Variants in KBTBD6 observed in about 807,000 individuals in gnomAD.
The protein encoded by KBTBD6 is kelch repeat and BTB domain containing 6.
In KBTBD6, 6 loss-of-function variants were observed where a neutral mutation model predicts 34.4. The ratio of observed to expected loss-of-function variants is 0.17; its 90% CI spans 0.10 to 0.34. The LOEUF (loss-of-function observed/expected upper bound fraction) is 0.34. Ranked by LOEUF, KBTBD6 falls within the 10% of genes least tolerant of loss-of-function variation. The pLI, the probability that KBTBD6 is intolerant of heterozygous loss-of-function variation, is 1.00. For synonymous variants in KBTBD6, 288 were observed against 327.2 expected (o/e 0.88, Z 1.29); for missense variants, 557 against 856.0 (o/e 0.65, Z 4.36).
chr13:41,131,510 T>A lies in KBTBD6; in HGVS notation c.1002A>T (p.Pro334=). Residue 334 remains proline, a synonymous_variant, in exon 1 of 1, where the codon CCA becomes CCT. Coordinates refer to ENST00000379485, the MANE Select transcript of KBTBD6 (RefSeq NM_152903.5). The surrounding 1 kb of genome is among the most constrained non-coding windows in gnomAD (Gnocchi z 5.8). ...SNSLVSAAEN[P]PQRLGMCAKE... ...TGGCACACATACCCAGTCTCTGGGG[T>A]GGATTTTCTGCTGCAGATACAAGAG... The A allele has an allele frequency of 3.1e-6, 5 of 1,614,002 alleles. No individual in the cohort carries two copies. Among genetic ancestry groups the A allele is most frequent in the Non-Finnish European group, 4.2e-6 (5 of 1,180,016 alleles).
chr13:41,130,794 G>A lies in KBTBD6; in HGVS notation c.1718C>T (p.Ser573Phe). ...GTTCTTTTTCCACTGTGGGGTGCGA[G>A]AGGTGATGAGCAACAATTTTTGGCC... ...KHGQKLLLITSRTPQWKKNRV... is the reference protein window; with the variant it reads ...KHGQKLLLITFRTPQWKKNRV... Residue 573 changes from serine (S) to phenylalanine (F), a missense_variant, in exon 1 of 1, where the codon TCT (serine) becomes TTT (phenylalanine). By Grantham distance (155) the Ser-to-Phe change is radical. This residue lies in a region of KBTBD6 where 309 missense variants were observed against 504.5 expected (regional missense o/e 0.61). Coordinates refer to ENST00000379485, the MANE Select transcript of KBTBD6 (RefSeq NM_152903.5). This position sits in a 1 kb window ranked among gnomAD's most constrained non-coding sequence, Gnocchi z 4.8. 1 of 1,614,196 alleles carries A rather than the reference G, an allele frequency of 6.2e-7. No homozygotes were observed. Among genetic ancestry groups the A allele is most frequent in the Non-Finnish European group, 8.5e-7 (1 of 1,180,044 alleles).
At position 41,130,703 on chromosome 13, in the gene KBTBD6, G is replaced by T; in HGVS notation, c.1809C>A (p.Gly603=). Residue 603 remains glycine, a synonymous_variant, in exon 1 of 1, where the codon GGC becomes GGA. Coordinates refer to ENST00000379485, the MANE Select transcript of KBTBD6 (RefSeq NM_152903.5). This position sits in a 1 kb window ranked among gnomAD's most constrained non-coding sequence, Gnocchi z 4.8. The part of the protein sequence containing the change: ...DQWINIGTTL[G]LLQFDSNFFC... ...AAAAGTTAGAATCAAACTGCAAGAG[G>T]CCTAATGTGGTACCTATATTAATCC... 6.2e-7 allele frequency: 1 copy of T among 1,614,148 alleles called. No homozygotes were observed. The highest frequency in any genetic ancestry group is 8.5e-7 in the Non-Finnish European group (1 of 1,180,022).
rs2030020126 is a variant in KBTBD6, at chr13:41,127,813, G to A, written c.*2674C>T. The A allele has an allele frequency of 6.6e-6, 1 of 152,164 alleles. No individual in the cohort carries two copies. Among genetic ancestry groups the A allele is most frequent in the African/African-American group, 2.4e-5 (1 of 41,436 alleles). 9.4% of individuals were successfully genotyped at this position (152,164 alleles called of 1,614,324 possible). ...ATCTGTTTGAGATAAGCACTGTCAT[G>A]TTTCAACCTTAGAGAACAAAAAGCT... On this transcript the variant is annotated 3_prime_UTR_variant, in exon 1 of 1. Coordinates refer to ENST00000379485, the MANE Select transcript of KBTBD6 (RefSeq NM_152903.5).
Position 41,128,918 on chromosome 13 carries a change from C to G in KBTBD6, c.*1569G>C, listed in dbSNP as rs41286991. ...TGAAGCAATCCTCCCACCTCAGCCCCGAGTTGCTAGGATTACAGGCATGAG... is the reference window on the plus strand; with the variant it reads ...TGAAGCAATCCTCCCACCTCAGCCCGGAGTTGCTAGGATTACAGGCATGAG... On this transcript the variant is annotated 3_prime_UTR_variant, in exon 1 of 1. Transcript: ENST00000379485. 1.2e-5 allele frequency: 2 copies of G among 168,200 alleles called. No homozygotes were observed. Among genetic ancestry groups the G allele is most frequent in the African/African-American group, 4.7e-5 (2 of 42,278 alleles). 10.4% of individuals were successfully genotyped at this position (168,200 alleles called of 1,614,324 possible).
Position 41,129,479 on chromosome 13 carries a change from T to G in KBTBD6, c.*1008A>C, listed in dbSNP as rs1453368273. 6.6e-6 allele frequency: 1 copy of G among 152,174 alleles called. No individual in the cohort carries two copies. The highest frequency in any genetic ancestry group is 1.5e-5 in the Non-Finnish European group (1 of 68,038). The allele number at this position is 152,174 out of a possible 1,614,324, so 9.4% of individuals were successfully genotyped here. A position where few individuals can be genotyped will look rare whatever the true frequency, so the allele number is the denominator to read the frequency against. ...AGAATATAACCTTTTAGATGAAAATTGGTGACTTTGCAAATACACATTCTA... is the reference window on the plus strand; with the variant it reads ...AGAATATAACCTTTTAGATGAAAATGGGTGACTTTGCAAATACACATTCTA... On this transcript the variant is annotated 3_prime_UTR_variant, in exon 1 of 1. Coordinates refer to ENST00000379485, the MANE Select transcript of KBTBD6 (RefSeq NM_152903.5).
rs370743723 is a variant in KBTBD6 at position 41,132,421 on chromosome 13, A to G, written c.91T>C (p.Ser31Pro). 157 of 1,614,116 alleles carry G rather than the reference A, an allele frequency of 9.7e-5. No homozygotes were observed. The highest frequency in any genetic ancestry group is 1.2e-4 in the Non-Finnish European group (147 of 1,180,050). Residue 31 changes from serine (S) to proline (P), a missense_variant, in exon 1 of 1, where the codon TCG becomes CCG. This residue lies in a region of KBTBD6 where 108 missense variants were observed against 209.6 expected (regional missense o/e 0.52). Transcript: ENST00000379485. The stretch of plus-strand genomic sequence containing the variant: ...TCCTCTGGACCCGTGAAAAAGGCCG[A>G]AACTGTGGGTTTGTGAATCTTCTTG... Reference protein sequence around the residue: ...RPKKIHKPTVSAFFTGPEELK... With the variant: ...RPKKIHKPTVPAFFTGPEELK...
rs2030085873 is a variant in KBTBD6 at position 41,131,284 on chromosome 13, G to C, written c.1228C>G (p.Pro410Ala). ...QPRTDLWVYK[P>A]AQNSWQQLAD... ...AGTTGCTGCCAACTATTCTGAGCTG[G>C]TTTATACACCCAGAGGTCTGTCCTG... Residue 410 changes from proline to alanine, a missense_variant, in exon 1 of 1, where the codon CCA becomes GCA. Pro to Ala is a conservative substitution (Grantham distance 27). This residue lies in a region of KBTBD6 where 309 missense variants were observed against 504.5 expected (regional missense o/e 0.61). Transcript: ENST00000379485. This position sits in a 1 kb window ranked among gnomAD's most constrained non-coding sequence, Gnocchi z 5.8. The C allele has an allele frequency of 1.2e-6, 2 of 1,614,170 alleles. No individual in the cohort carries two copies. Among genetic ancestry groups the C allele is most frequent in the Non-Finnish European group, 1.7e-6 (2 of 1,180,024 alleles).
In KBTBD6 at chr13:41,130,825, T is replaced by C. The variant is rs1313245918; in HGVS notation, c.1687A>G (p.Lys563Glu). ...VSETNNYRII[K>E]HGQKLLLITS... is the part of the protein sequence containing the mutation. ...ATGAGCAACAATTTTTGGCCATGCT[T>C]GATAATTCTGTAGTTGTTGGTCTCT... Residue 563 changes from lysine to glutamate, a missense_variant, in exon 1 of 1, where the codon AAG (lysine) becomes GAG (glutamate). Around this residue, in one of 4 missense-constraint regions of KBTBD6, gnomAD observed 309 missense variants for 504.5 expected, o/e 0.61. Transcript: ENST00000379485. This position sits in a 1 kb window ranked among gnomAD's most constrained non-coding sequence, Gnocchi z 4.8. 1 of 1,614,070 alleles carries C rather than the reference T, an allele frequency of 6.2e-7. No individual in the cohort carries two copies. Among genetic ancestry groups the C allele is most frequent in the African/African-American group, 1.3e-5 (1 of 74,924 alleles).
Position 41,130,586 on chromosome 13 carries a change from A to G in KBTBD6, c.1926T>C (p.Thr642=). 6.2e-7 allele frequency: 1 copy of G among 1,614,200 alleles called. No individual in the cohort carries two copies. Among genetic ancestry groups the G allele is most frequent in the Non-Finnish European group, 8.5e-7 (1 of 1,180,018 alleles). ...CACTGAATCCACCTAAGTCCCATTC[A>G]GTGCTAGACTCACTTGGTATTTCTT... is the stretch of plus-strand genomic sequence containing the variant. ...EEEEIPSESS[T]EWDLGGFSEP... is the part of the protein sequence containing the mutation. Residue 642 remains threonine, a synonymous_variant, in exon 1 of 1, where the codon ACT becomes ACC. Transcript: ENST00000379485. The surrounding 1 kb of genome is among the most constrained non-coding windows in gnomAD (Gnocchi z 4.8).
chr13:41,130,532 A>C lies in KBTBD6; in HGVS notation c.1980T>G (p.Ser660Arg). The change falls in exon 1 of 1, where the codon AGT (serine) becomes AGG (arginine). Residue 660 changes from serine to arginine, a missense_variant. Physicochemically the swap from Ser to Arg is moderately radical, Grantham distance 110 (BLOSUM62 -1). This residue lies in a region of KBTBD6 where 309 missense variants were observed against 504.5 expected (regional missense o/e 0.61). Coordinates refer to ENST00000379485, the MANE Select transcript of KBTBD6 (RefSeq NM_152903.5). The surrounding 1 kb of genome is among the most constrained non-coding windows in gnomAD (Gnocchi z 4.8). Reference protein sequence around the residue: ...SEPDSESGSSSSLSDDDFWVR... With the variant: ...SEPDSESGSSRSLSDDDFWVR... ...CCCAAAAATCATCATCAGAAAGAGAACTTGAACTTCCTGACTCAGAGTCTG... is the reference window on the plus strand; with the variant it reads ...CCCAAAAATCATCATCAGAAAGAGACCTTGAACTTCCTGACTCAGAGTCTG... 1 of 1,614,144 alleles carries C rather than the reference A, an allele frequency of 6.2e-7. No homozygotes were observed. The highest frequency in any genetic ancestry group is 2.2e-5 in the East Asian group (1 of 44,884).
rs191601079 is a variant in KBTBD6 at position 41,132,753 on chromosome 13, C to A, written c.-242G>T. The stretch of plus-strand genomic sequence containing the variant: ...CGCGTCTGCTCGCCTTCACAGGACC[C>A]GCTGGCTTGGAGCCGCAGAAGCCGC... On this transcript the variant is annotated 5_prime_UTR_variant, in exon 1 of 1. Coordinates refer to ENST00000379485, the MANE Select transcript of KBTBD6 (RefSeq NM_152903.5). 60 of 561,666 alleles carry A rather than the reference C, an allele frequency of 1.1e-4. No homozygotes were observed. The East Asian group carries it at 1.6e-3, about 15-fold the overall frequency. The allele number at this position is 561,666 out of a possible 1,614,324, so 34.8% of individuals were successfully genotyped here.
rs1184828326 is a variant in KBTBD6 at position 41,127,596 on chromosome 13, AC to A, written c.*2890del. On this transcript the variant is annotated 3_prime_UTR_variant, in exon 1 of 1. Transcript: ENST00000379485. ...CTGGTACCAGTTTTATTTATAATTA[AC>A]CACATACAAATCACTTTTCTACAAA... The A allele has an allele frequency of 2.0e-5, 3 of 152,266 alleles. No homozygotes were observed. Among genetic ancestry groups the A allele is most frequent in the Non-Finnish European group, 1.5e-5 (1 of 68,052 alleles). 9.4% of individuals were successfully genotyped at this position (152,266 alleles called of 1,614,324 possible).
Position 41,128,337 on chromosome 13 carries a change from T to C in KBTBD6, c.*2150A>G, listed in dbSNP as rs2030029761. On this transcript the variant is annotated 3_prime_UTR_variant, in exon 1 of 1. Transcript: ENST00000379485. ...ACCATAAGCATCTGGTCATTCATCA[T>C]GTACATGTATCATGTCAACCATTAT... The C allele has an allele frequency of 2.7e-6, 1 of 367,808 alleles. No individual in the cohort carries two copies. Among genetic ancestry groups the C allele is most frequent in the Non-Finnish European group, 4.9e-6 (1 of 205,552 alleles). The allele number at this position is 367,808 out of a possible 1,614,324, so 22.8% of individuals were successfully genotyped here.
In KBTBD6 at chr13:41,131,883, C is replaced by G. The variant is rs2030105623; in HGVS notation, c.629G>C (p.Arg210Pro). The G allele has an allele frequency of 6.2e-7, 1 of 1,614,108 alleles. No homozygotes were observed. The highest frequency in any genetic ancestry group is 8.5e-7 in the Non-Finnish European group (1 of 1,180,048). Residue 210 changes from arginine (R) to proline (P), a missense_variant, in exon 1 of 1, where the codon CGG (arginine) becomes CCG (proline). Around this residue, in one of 4 missense-constraint regions of KBTBD6, gnomAD observed 100 missense variants for 102.1 expected, o/e 0.98. Coordinates refer to ENST00000379485, the MANE Select transcript of KBTBD6 (RefSeq NM_152903.5). The surrounding 1 kb of genome is among the most constrained non-coding windows in gnomAD (Gnocchi z 5.8). ...GGTCAGATCTGCTAGAGTCTCCTCC[C>G]GAATTGAACCCATGTGGCTGAGTTG... ...FKQLSHMGSI[R>P]EETLADLTLA...
rs370082372 is a variant in KBTBD6, at chr13:41,131,078, G to A, written c.1434C>T (p.Asp478=). ...APLPHSFLSF[D]LMVIRDYLYA... ...AGAGATAGTCTCGAATTACCATTAG[G>A]TCAAAGGATAAAAAAGAATGGGGCA... is the stretch of plus-strand genomic sequence containing the variant. The change falls in exon 1 of 1, where the codon GAC becomes GAT. Residue 478 remains aspartate, a synonymous_variant. Transcript: ENST00000379485. This position sits in a 1 kb window ranked among gnomAD's most constrained non-coding sequence, Gnocchi z 5.8. 5.0e-6 allele frequency: 8 copies of A among 1,614,144 alleles called. No homozygotes were observed. Among genetic ancestry groups the A allele is most frequent in the Non-Finnish European group, 6.8e-6 (8 of 1,180,006 alleles).
At position 41,130,507 on chromosome 13, in the gene KBTBD6, C is replaced by T; in HGVS notation, c.2005G>A (p.Val669Met). Residue 669 changes from valine (V) to methionine (M), a missense_variant, in exon 1 of 1, where the codon GTG becomes ATG. Val to Met is a conservative substitution (Grantham distance 21, BLOSUM62 1). Transcript: ENST00000379485. The surrounding 1 kb of genome is among the most constrained non-coding windows in gnomAD (Gnocchi z 4.8). The part of the protein sequence containing the change: ...SSSLSDDDFW[V>M]RVAPQ ...GCATTTCACTGAGGCGCTACACGCA[C>T]CCAAAAATCATCATCAGAAAGAGAA... is the stretch of plus-strand genomic sequence containing the variant. 1 of 1,613,648 alleles carries T rather than the reference C, an allele frequency of 6.2e-7. No individual in the cohort carries two copies. The highest frequency in any genetic ancestry group is 8.5e-7 in the Non-Finnish European group (1 of 1,179,700).
In KBTBD6 at chr13:41,130,910, C is replaced by T. The variant is rs974213771; in HGVS notation, c.1602G>A (p.Met534Ile). 1 of 1,614,056 alleles carries T rather than the reference C, an allele frequency of 6.2e-7. No homozygotes were observed. Among genetic ancestry groups the T allele is most frequent in the Non-Finnish European group, 8.5e-7 (1 of 1,180,016 alleles). ...EIYCICDIPV[M>I]KVYNPVRAEW... ...CTGCCCTAACTGGGTTGTAGACCTT[C>T]ATGACTGGGATATCACAGATACAAT... The change falls in exon 1 of 1, where the codon ATG becomes ATA. Residue 534 changes from methionine (M) to isoleucine (I), a missense_variant. By Grantham distance (10) the Met-to-Ile change is conservative. This residue lies in a region of KBTBD6 where 309 missense variants were observed against 504.5 expected (regional missense o/e 0.61). Coordinates refer to ENST00000379485, the MANE Select transcript of KBTBD6 (RefSeq NM_152903.5). This position sits in a 1 kb window ranked among gnomAD's most constrained non-coding sequence, Gnocchi z 4.8.
At position 41,131,609 on chromosome 13, in the gene KBTBD6, C is replaced by T. The variant is rs138175376; in HGVS notation, c.903G>A (p.Met301Ile). The T allele has an allele frequency of 4.7e-4, 752 of 1,613,574 alleles. 4 individuals carry two copies. In the African/African-American group the frequency reaches 8.7e-3, roughly 19 times the overall value. ...CLDVIEGALQMRYGDLLYKSL... is the reference protein window; with the variant it reads ...CLDVIEGALQIRYGDLLYKSL... ...ACTTGTACAACAGGTCACCATAGCG[C>T]ATCTGCAGGGCCCCTTCAATAACGT... Residue 301 changes from methionine to isoleucine, a missense_variant, in exon 1 of 1, where the codon ATG becomes ATA. Coordinates refer to ENST00000379485, the MANE Select transcript of KBTBD6 (RefSeq NM_152903.5). This position sits in a 1 kb window ranked among gnomAD's most constrained non-coding sequence, Gnocchi z 5.8.
chr13:41,130,641 T>C lies in KBTBD6; in HGVS notation c.1871A>G (p.Glu624Gly). 1 of 1,614,180 alleles carries C rather than the reference T, an allele frequency of 6.2e-7. No homozygotes were observed. The highest frequency in any genetic ancestry group is 8.5e-7 in the Non-Finnish European group (1 of 1,180,034). Residue 624 changes from glutamate (E) to glycine (G), a missense_variant, in exon 1 of 1, where the codon GAA (glutamate) becomes GGA (glycine). Coordinates refer to ENST00000379485, the MANE Select transcript of KBTBD6 (RefSeq NM_152903.5). The surrounding 1 kb of genome is among the most constrained non-coding windows in gnomAD (Gnocchi z 4.8). ...TTCAGTGAGGAAACTCTGACCAGGT[T>C]CAAGGCAGGAAGGATAAACACGAGC... ...LSARVYPSCLEPGQSFLTEEE... is the reference protein window; with the variant it reads ...LSARVYPSCLGPGQSFLTEEE...
Sources: gnomAD v4.1 joint callset for allele counts on GRCh38, gnomAD v4.1.1 for gene constraint, gnomAD v4.1.1 regional missense constraint, Gnocchi (gnomAD v3.1) non-coding constraint, MANE v1.5 for transcripts, NCBI Gene and HGNC (gene_info 2026-07-23, HGNC 2026-07-21) for gene names.